Variants in MBD1 observed in about 807,000 individuals in gnomAD.
MBD1 encodes methyl-CpG binding domain protein 1.
A neutral mutation model predicts 82.6 loss-of-function variants in MBD1; 25 were observed. The ratio of observed to expected loss-of-function variants is 0.30; its 90% CI spans 0.22 to 0.42. The LOEUF (loss-of-function observed/expected upper bound fraction) is 0.42. MBD1 is among the 10% of genes least tolerant of loss of function. The pLI, the probability that MBD1 is intolerant of heterozygous loss-of-function variation, is 1.00. For synonymous variants in MBD1, 301 were observed against 303.7 expected (o/e 0.99, Z 0.09); for missense variants, 627 against 819.6 (o/e 0.76, Z 2.87).
At position 50,273,761 on chromosome 18, in the gene MBD1, G is replaced by A; in HGVS notation, c.1249C>T (p.Leu417Phe). ...AAGGTGGGCTTCAAGGTAGGGCCAA[G>A]ATGGTGCCGTCGGGCAGAGCTGGGC... ...KRPSSARRHH[L>F]GPTLKPTLAT... Residue 417 changes from leucine to phenylalanine, a missense_variant, in exon 12 of 17, where the codon CTT becomes TTT. Coordinates refer to ENST00000269468, the MANE Select transcript of MBD1 (RefSeq NM_015846.4). 1.9e-6 allele frequency: 3 copies of A among 1,614,148 alleles called. No individual in the cohort carries two copies. Among genetic ancestry groups the A allele is most frequent in the Non-Finnish European group, 2.5e-6 (3 of 1,180,042 alleles).
At chr18:50,281,031 G>A (rs919353440) in intron 1 of MBD1, 2 of 792,864 alleles carry the variant, frequency 2.5e-6, no homozygotes, top group Admixed American at 2.2e-5. Context: ...CAGCCTGAGG[G>A]CCCCTCATTT....
rs201485722 is a variant in MBD1 at position 50,273,344 on chromosome 18, C to A, written c.1574G>T (p.Cys525Phe). 2 of 1,614,124 alleles carry A rather than the reference C, an allele frequency of 1.2e-6. No individual in the cohort carries two copies. Among genetic ancestry groups the A allele is most frequent in the African/African-American group, 1.3e-5 (1 of 75,058 alleles). The change falls in exon 13 of 17, where the codon TGC (cysteine) becomes TTC (phenylalanine). Residue 525 changes from cysteine to phenylalanine, a missense_variant. Coordinates refer to ENST00000269468, the MANE Select transcript of MBD1 (RefSeq NM_015846.4). ...VLTSPVLVPG[C>F]PSKAVDPGLP... ...CATCACTGCCCCCACCTTGCTAGGG[C>A]AGCCAGGCACCAATACGGGAGAAGT...
In MBD1 at chr18:50,269,113, C is replaced by T. The variant is rs1366620841; in HGVS notation, c.*738G>A. 2 of 1,025,190 alleles carry T rather than the reference C, an allele frequency of 2.0e-6. No homozygotes were observed. Among genetic ancestry groups the T allele is most frequent in the African/African-American group, 3.4e-5 (2 of 58,020 alleles). 63.5% of individuals were successfully genotyped at this position (1,025,190 alleles called of 1,614,324 possible). The stretch of plus-strand genomic sequence containing the variant: ...CTGTATCCTAGTATTAAGTACAGTG[C>T]CTACCACAGGCCAGGTTCTCAATAC... On this transcript the variant is annotated 3_prime_UTR_variant, in exon 17 of 17. Coordinates refer to ENST00000269468, the MANE Select transcript of MBD1 (RefSeq NM_015846.4).
In MBD1 at chr18:50,272,932, A is replaced by C. The variant is rs1383372711; in HGVS notation, c.1608T>G (p.Ser536=). The change falls in exon 14 of 17, where the codon TCT becomes TCG. Residue 536 remains serine, a synonymous_variant. Transcript: ENST00000269468. ...PSKAVDPGLP[S]VKQEPPDPEE... is the part of the protein sequence containing the mutation. ...CTGGGTCAGGTGGCTCTTGCTTCAC[A>C]GAAGGCAGGCCTGGGTCTACTGCCT... The C allele has an allele frequency of 6.2e-7, 1 of 1,614,204 alleles. No homozygotes were observed. The highest frequency in any genetic ancestry group is 2.2e-5 in the East Asian group (1 of 44,884).
chr18:50,269,929 TATAC>T, intron 16 of MBD1, 111 bp from the exon 17 acceptor site: 1 of 1,320,692 alleles, frequency 7.6e-7, no homozygotes, highest in South Asian at 1.2e-5. Flanking sequence ...AAAATACATA[TATAC>T]ATAATCTTTA....
At chr18:50,275,402 G>A (rs2147473853) in intron 8 of MBD1, 157 bp from the exon 9 acceptor site, 2 of 1,607,072 alleles carry the variant, frequency 1.2e-6, no homozygotes, top group Non-Finnish European at 1.7e-6. Context: ...GGAGTGCGTC[G>A]CTGACATCTC....
In MBD1 at chr18:50,275,985, C is replaced by T; in HGVS notation, c.517-4G>A. ...CACACTCCCCACAGCCCACACGCTG[C>T]CAGGAATGGTAGGGACGAGATCACG... On this transcript the variant is annotated splice_region_variant and splice_polypyrimidine_tract_variant and intron_variant, in intron 6 of 16. Coordinates refer to ENST00000269468, the MANE Select transcript of MBD1 (RefSeq NM_015846.4). The T allele has an allele frequency of 1.2e-6, 2 of 1,611,706 alleles. No homozygotes were observed. The highest frequency in any genetic ancestry group is 1.7e-6 in the Non-Finnish European group (2 of 1,179,954).
At chr18:50,275,796 C>G (rs372264400) in intron 7 of MBD1, 39 bp downstream of exon 7, 10 of 1,614,024 alleles carry the variant, frequency 6.2e-6, no homozygotes, top group Non-Finnish European at 8.5e-6. Flanking sequence ...GGCCAGGGGC[C>G]GAGGTGAGCC....
chr18:50,269,619 A>C lies in MBD1; in HGVS notation c.*232T>G. On this transcript the variant is annotated 3_prime_UTR_variant, in exon 17 of 17. Transcript: ENST00000269468. ...TTTCAGCTTCTCTAATTCCTGGGCC[A>C]GATGCATATTTAACTCTGTGAGGAA... The C allele has an allele frequency of 1.4e-6, 1 of 722,424 alleles. No individual in the cohort carries two copies. The highest frequency in any genetic ancestry group is 2.0e-5 in the Admixed American group (1 of 50,424). 44.8% of individuals were successfully genotyped at this position (722,424 alleles called of 1,614,324 possible).
chr18:50,280,179 C>T (rs557134074), intron 1 of MBD1, among the ~76,000 whole-genome samples, 162 bp from the exon 2 acceptor site: 2 of 152,254 alleles, frequency 1.3e-5, no homozygotes, highest in South Asian at 4.1e-4. Flanking sequence ...CTCATATTCT[C>T]ACCCCATTCT....
In MBD1 at chr18:50,279,803, A is replaced by C. The variant is rs545428650; in HGVS notation, c.110+80T>G. The C allele has an allele frequency of 8.2e-6, 13 of 1,579,056 alleles. No individual in the cohort carries two copies. The East Asian group carries it at 2.7e-4, about 33-fold the overall frequency. ...TATGTGCATAATTTAAACTTCATCC[A>C]TAAATTTAACCACACCATTTGATTT... On this transcript the variant is annotated intron_variant, in intron 2 of 16. Coordinates refer to ENST00000269468, the MANE Select transcript of MBD1 (RefSeq NM_015846.4).
rs1010258672 is a variant in MBD1 at position 50,275,538 on chromosome 18, G to A, written c.792+62C>T. On this transcript the variant is annotated intron_variant, in intron 8 of 16. Transcript: ENST00000269468. ...GAGGTAGGCAAGGCCAGGTTGAAAG[G>A]AAGCAGAGGCAGCGACGATTTTAAC... 5.6e-6 allele frequency: 9 copies of A among 1,613,280 alleles called. No homozygotes were observed. The African/African-American group carries it at 1.2e-4, about 22-fold the overall frequency.
At chr18:50,267,273 A>C (rs1397640095), downstream of MBD1, 13 of 330,746 alleles carry the variant, frequency 3.9e-5, no homozygotes, top group East Asian at 4.6e-4. Context: ...ATAGCAAGTA[A>C]TACTATCCTT....
Position 50,277,132 on chromosome 18 carries a change from G to A in MBD1, c.183C>T (p.Leu61=), listed in dbSNP as rs773339330. 4.3e-6 allele frequency: 7 copies of A among 1,614,238 alleles called. No individual in the cohort carries two copies. The highest frequency in any genetic ancestry group is 5.9e-6 in the Non-Finnish European group (7 of 1,180,048). ...ACAAGATGCCTTGTTTGAAGTCGAA[G>A]AGGGTGAGATCACACGCAGGGCCCA... is the stretch of plus-strand genomic sequence containing the variant. ...RYLGPACDLT[L]FDFKQGILCY... The change falls in exon 3 of 17, where the codon CTC becomes CTT. Residue 61 remains leucine (L), a synonymous_variant. Transcript: ENST00000269468.
downstream of MBD1, among the ~76,000 whole-genome samples, chr18:50,267,876 G>A (rs559477781): frequency 1.3e-5 from 2 of 152,302 alleles, no homozygotes; most frequent in East Asian, 3.9e-4. Context: ...TTTGTATGTG[G>A]TATGTTTCTA....
Position 50,273,485 on chromosome 18 carries a change from G to C in MBD1, c.1447-14C>G. ...GCACTGGGCCTCCTGCGTGAGGGAG[G>C]ATTGCAGCAGACTTGGTCTCAGCTC... On this transcript the variant is annotated splice_polypyrimidine_tract_variant and intron_variant, in intron 12 of 16. Transcript: ENST00000269468. 6.2e-7 allele frequency: 1 copy of C among 1,614,078 alleles called. No homozygotes were observed. The highest frequency in any genetic ancestry group is 8.5e-7 in the Non-Finnish European group (1 of 1,180,030).
rs1265433665 is a variant in MBD1 at position 50,281,479 on chromosome 18, C to A, written c.-142G>T. 1.7e-6 allele frequency: 1 copy of A among 588,910 alleles called. No homozygotes were observed. Among genetic ancestry groups the A allele is most frequent in the African/African-American group, 1.9e-5 (1 of 53,552 alleles). 36.5% of individuals were successfully genotyped at this position (588,910 alleles called of 1,614,324 possible). On this transcript the variant is annotated 5_prime_UTR_variant, in exon 1 of 17. Coordinates refer to ENST00000269468, the MANE Select transcript of MBD1 (RefSeq NM_015846.4). ...CCTTCCTCCTCCTCCGCGGCCGCCT[C>A]CTCTGAAGCGGTAGCTGTCGCCTCC...
chr18:50,266,920 T>C, downstream of MBD1: 1 of 162,556 alleles, frequency 6.2e-6, no homozygotes, highest in Non-Finnish European at 1.4e-5. Context: ...CAAGATATTT[T>C]CACACACACA....
At chr18:50,272,355 A>G (rs1186190165) in intron 15 of MBD1, 3 of 391,792 alleles carry the variant, frequency 7.7e-6, no homozygotes. Flanking sequence ...GAATTTATAT[A>G]TTAAAGCTGA....
Sources: gnomAD v4.1 joint callset for allele counts (sites outside exome capture counted in the v4.1 genomes callset) on GRCh38, gnomAD v4.1.1 for gene constraint, MANE v1.5 for transcripts, NCBI Gene and HGNC (gene_info 2026-07-23, HGNC 2026-07-21) for gene names.